The following GCNT2 variants were observed in gnomAD, a reference collection of about 807,000 sequenced individuals.
GCNT2 encodes glucosaminyl (N-acetyl) transferase 2 (I blood group), also known as N-acetyllactosaminide beta-1,6-N-acetylglucosaminyl-transferase.
A neutral mutation model predicts 34.2 loss-of-function variants in GCNT2; 34 were observed. That is an observed-to-expected ratio of 1.00 (90% CI 0.76 to 1.32). The LOEUF is 1.32. GCNT2 is among the 40% of genes most tolerant of loss of function. GCNT2 has a pLI of 0.00. For synonymous variants in GCNT2, 212 were observed against 188.0 expected, an observed-to-expected ratio of 1.13 and a Z score of -1.04; for missense variants, 584 against 489.4, an observed-to-expected ratio of 1.19 and a Z score of -1.82.
chr6:10,528,686 C>T lies in GCNT2; in HGVS notation c.-226C>T. On this transcript the variant is annotated 5_prime_UTR_variant, in exon 3 of 5. Coordinates refer to ENST00000495262, the MANE Select transcript of GCNT2 (RefSeq NM_145649.5). Reference sequence around the variant, plus strand: ...CAAGCCAAATGCAAAGGAGCCACTTCAGAAATGTGTCACAGAAAAGTGAAA... The same window carrying T: ...CAAGCCAAATGCAAAGGAGCCACTTTAGAAATGTGTCACAGAAAAGTGAAA... 1.7e-6 allele frequency: 1 copy of T among 590,304 alleles called. No individual in the cohort carries two copies. Among genetic ancestry groups the T allele is most frequent in the Non-Finnish European group, 3.0e-6 (1 of 332,926 alleles). 36.6% of individuals were successfully genotyped at this position (590,304 alleles called of 1,614,324 possible). A position where few individuals can be genotyped will look rare whatever the true frequency, so the allele number is the denominator to read the frequency against.
chr6:10,534,875 T>A (rs1055439252), intron 3 of GCNT2, among the ~76,000 whole-genome samples: 2 of 151,544 alleles, frequency 1.3e-5, no homozygotes, highest in African/African-American at 4.8e-5. Context: ...AATGGATAAA[T>A]AAATAAGCAA....
intron 3 of GCNT2, among the ~76,000 whole-genome samples, chr6:10,596,427 A>T (rs1297818630): frequency 6.6e-6 from 1 of 152,106 alleles, no homozygotes; most frequent in Non-Finnish European, 1.5e-5. Context: ...AGGCTGAGGC[A>T]GGAGAATCAC....
intron 3 of GCNT2, among the ~76,000 whole-genome samples, chr6:10,603,145 A>C (rs901298428): frequency 5.9e-5 from 9 of 152,308 alleles, no homozygotes; most frequent in Admixed American, 4.6e-4. Flanking sequence ...CAGTTTTTGA[A>C]CTCAAAAACC....
At chr6:10,598,157 A>G (rs944351889) in intron 3 of GCNT2, among the ~76,000 whole-genome samples, 2 of 152,212 alleles carry the variant, frequency 1.3e-5, no homozygotes, top group African/African-American at 4.8e-5. Context: ...GCATGCAGTG[A>G]AAAAAGCAGA....
rs71548508 is a variant in GCNT2 at position 10,586,823 on chromosome 6, A to G, written c.926-34528A>G. 219,972 of 1,613,114 alleles carry G rather than the reference A, an allele frequency of 0.14. 16,748 individuals are homozygous for G. The highest frequency in any genetic ancestry group is 0.16 in the Non-Finnish European group (184,098 of 1,179,072). On this transcript the variant is annotated intron_variant, in intron 3 of 4. Transcript: ENST00000495262. The stretch of plus-strand genomic sequence containing the variant: ...CCAGAGACTTTGTCGACTTTGTTCT[A>G]CGTGACCAAAGGGCCATTGATCTAC...
rs188443304 is a variant in GCNT2, at chr6:10,618,630, G to A, written c.926-2721G>A. ...CACGTCAGCTAAGCACACAAATGTC[G>A]GTAAATAAGCCAGATTCTCTCTTTG... On this transcript the variant is annotated intron_variant, in intron 3 of 4. Transcript: ENST00000495262. Among the ~76,000 whole-genome samples, 112 of 152,204 alleles carry A rather than the reference G, an allele frequency of 7.4e-4. 1 individual carries two copies. Among genetic ancestry groups the A allele is most frequent in the Non-Finnish European group, 1.5e-3 (101 of 68,012 alleles).
chr6:10,566,182 C>CTT (rs761874338), intron 3 of GCNT2, among the ~76,000 whole-genome samples: 4 of 144,372 alleles, frequency 2.8e-5, no homozygotes, highest in Non-Finnish European at 6.1e-5. Flanking sequence ...TTGATGTGTG[C>CTT]TTTTTTTTTT....
At chr6:10,569,300 G>A (rs1763434142) in intron 3 of GCNT2, among the ~76,000 whole-genome samples, 1 of 95,750 alleles carries the variant, frequency 1.0e-5, no homozygotes, top group Non-Finnish European at 2.2e-5. Flanking sequence ...GCCAAATCCT[G>A]AAGGGTCAAC....
chr6:10,570,546 A>G (rs1440966519), intron 3 of GCNT2, among the ~76,000 whole-genome samples: 1 of 152,232 alleles, frequency 6.6e-6, no homozygotes, highest in Non-Finnish European at 1.5e-5. Context: ...TGCTACCATC[A>G]GCCCTCTCTT....
intron 3 of GCNT2, among the ~76,000 whole-genome samples, chr6:10,609,904 A>T (rs78983850): frequency 0.43 from 64,887 of 151,690 alleles, 15,921 homozygotes; most frequent in East Asian, 0.64. Context: ...TGTTTGTTGG[A>T]GGGTGAGTGG....
intron 3 of GCNT2, among the ~76,000 whole-genome samples, chr6:10,555,344 G>GC (rs929204328): frequency 6.6e-6 from 1 of 152,104 alleles, no homozygotes; most frequent in Non-Finnish European, 1.5e-5. Context: ...ATACTCCTTG[G>GC]CCAGAACACC....
chr6:10,556,833 C>T (rs539812897), intron 3 of GCNT2: 9 of 1,614,194 alleles, frequency 5.6e-6, no homozygotes, highest in South Asian at 5.5e-5. Flanking sequence ...TTTAAAGATG[C>T]GGTAGAGCAA....
intron 3 of GCNT2, among the ~76,000 whole-genome samples, chr6:10,582,487 CTATAATA>C (rs1764161011): frequency 9.6e-6 from 1 of 103,682 alleles, no homozygotes; most frequent in Non-Finnish European, 1.7e-5. Flanking sequence ...ATAATATATA[CTATAATA>C]TATAATATAA....
intron 3 of GCNT2, among the ~76,000 whole-genome samples, chr6:10,591,473 T>C (rs1412536297): frequency 6.6e-6 from 1 of 152,206 alleles, no homozygotes; most frequent in Non-Finnish European, 1.5e-5. Context: ...CCCACTTTAT[T>C]CCAGATAAAA....
At chr6:10,616,133 G>A (rs182661000) in intron 3 of GCNT2, among the ~76,000 whole-genome samples, 76 of 150,230 alleles carry the variant, frequency 5.1e-4, no homozygotes, top group African/African-American at 1.7e-3. Context: ...CTTCTGGTGG[G>A]TTCGTGGTCT....
At chr6:10,568,372 C>T (rs918329811) in intron 3 of GCNT2, among the ~76,000 whole-genome samples, 4 of 152,170 alleles carry the variant, frequency 2.6e-5, no homozygotes, top group South Asian at 2.1e-4. Context: ...CCAGCCAGCA[C>T]ATTCCATACG....
At chr6:10,538,437 A>AATATATATATATATATATATATAT (rs1554127248) in intron 3 of GCNT2, among the ~76,000 whole-genome samples, 8 of 73,334 alleles carry the variant, frequency 1.1e-4, no homozygotes, top group African/African-American at 9.5e-4. Flanking sequence ...AAAAAAAAAA[A>AATATATATATATATATATATATAT]ATATATATAT....
At chr6:10,546,415 T>G (rs1191914607) in intron 3 of GCNT2, among the ~76,000 whole-genome samples, 2 of 152,226 alleles carry the variant, frequency 1.3e-5, no homozygotes, top group Admixed American at 1.3e-4. Context: ...TCCCAGCACT[T>G]TGGGAAGCCG....
In GCNT2 at chr6:10,553,619, C is replaced by T. The variant is rs575340887; in HGVS notation, c.925+23783C>T. ...GAAAAAAATCATTAAATAGGCCGGGCGTGGTGGCTCACGCCTGTAATCCCA... is the reference window on the plus strand; with the variant it reads ...GAAAAAAATCATTAAATAGGCCGGGTGTGGTGGCTCACGCCTGTAATCCCA... On this transcript the variant is annotated intron_variant, in intron 3 of 4. Coordinates refer to ENST00000495262, the MANE Select transcript of GCNT2 (RefSeq NM_145649.5). Among the ~76,000 whole-genome samples, 11 of 152,270 alleles carry T rather than the reference C, an allele frequency of 7.2e-5. No homozygotes were observed. In the South Asian group the frequency reaches 2.1e-3, roughly 29 times the overall value.
Sources: gnomAD v4.1 joint callset for allele counts (sites outside exome capture counted in the v4.1 genomes callset) on GRCh38, gnomAD v4.1.1 for gene constraint, MANE v1.5 for transcripts, NCBI Gene and HGNC (gene_info 2026-07-23, HGNC 2026-07-21) for gene names.